Variants in B4GALT5 observed in about 807,000 individuals in gnomAD.
B4GALT5 encodes the protein UDP-Gal:beta-GlcNAc beta-1,4-galactosyltransferase 5.
Under a neutral mutation model 45.0 loss-of-function variants are expected in B4GALT5, and 11 were observed. The ratio of observed to expected loss-of-function variants is 0.24; its 90% CI spans 0.15 to 0.40. The LOEUF (loss-of-function observed/expected upper bound fraction) is 0.40. Among genes scored for constraint, B4GALT5 ranks in the 10% least tolerant of loss-of-function variants. The pLI is 1.00. For synonymous variants in B4GALT5, 185 were observed against 182.9 expected (o/e 1.01, Z -0.09); for missense variants, 337 against 500.2 (o/e 0.67, Z 3.11).
At chr20:49,659,431 A>ATCACAGTTTCTGT (rs1251372621) in intron 1 of B4GALT5, among the ~76,000 whole-genome samples, 11 of 152,226 alleles carry the variant, frequency 7.2e-5, no homozygotes, top group Non-Finnish European at 1.6e-4. Flanking sequence ...GGTCTATTAC[A>ATCACAGTTTCTGT]GACTATCAAA....
At chr20:49,690,552 A>G (rs1285356697) in intron 1 of B4GALT5, among the ~76,000 whole-genome samples, 7 of 151,386 alleles carry the variant, frequency 4.6e-5, no homozygotes, top group Admixed American at 4.0e-4. Flanking sequence ...TCTAACTCAA[A>G]AAAAAAAAGG....
rs150496601 is a variant in B4GALT5, at chr20:49,635,947, T to TCCACGGCAGGA, written c.*354_*364dup. Reference sequence around the variant, plus strand: ...TCCAAGGTCATGTGTAGGGACAGGCTCCACGGCAGGACCACGGCAGGACCA... The same window carrying TCCACGGCAGGA: ...TCCAAGGTCATGTGTAGGGACAGGCTCCACGGCAGGACCACGGCAGGACCACGGCAGGACCA... On this transcript the variant is annotated 3_prime_UTR_variant, in exon 9 of 9. Coordinates refer to ENST00000371711, the MANE Select transcript of B4GALT5 (RefSeq NM_004776.4). 26 of 219,062 alleles carry TCCACGGCAGGA rather than the reference T, an allele frequency of 1.2e-4. No individual in the cohort carries two copies. The highest frequency in any genetic ancestry group is 1.6e-4 in the Non-Finnish European group (17 of 107,942). The allele number at this position is 219,062 out of a possible 1,614,324, so 13.6% of individuals were successfully genotyped here.
intron 3 of B4GALT5, among the ~76,000 whole-genome samples, chr20:49,646,396 CCTA>C (rs146421434): frequency 0.019 from 2,905 of 152,184 alleles, 79 homozygotes; most frequent in African/African-American, 0.066. Context: ...TGGTAAGTAC[CCTA>C]CACAGCTGTA....
intron 2 of B4GALT5, among the ~76,000 whole-genome samples, chr20:49,649,512 C>T (rs1445659769): frequency 1.3e-5 from 2 of 151,722 alleles, no homozygotes; most frequent in Admixed American, 6.6e-5. Context: ...CCTGGGAGGT[C>T]GAGGTTCCGG....
At chr20:49,692,128 C>T (rs2085815634) in intron 1 of B4GALT5, among the ~76,000 whole-genome samples, 1 of 152,096 alleles carries the variant, frequency 6.6e-6, no homozygotes, top group Non-Finnish European at 1.5e-5. Context: ...TGCTTTCTCA[C>T]TATCTTCAGA....
intron 1 of B4GALT5, among the ~76,000 whole-genome samples, chr20:49,661,095 A>C (rs1462686375): frequency 6.6e-6 from 1 of 152,208 alleles, no homozygotes; most frequent in Admixed American, 6.5e-5. Context: ...TGTGAAGTAG[A>C]TATCATCTTG....
intron 7 of B4GALT5, 32 bp from the exon 8 acceptor site, chr20:49,637,474 T>C (rs1412299439): frequency 4.6e-6 from 7 of 1,537,070 alleles, no homozygotes; most frequent in Non-Finnish European, 5.4e-6. Flanking sequence ...GGCTTTTAGA[T>C]ACAACGGTAA....
intron 3 of B4GALT5, among the ~76,000 whole-genome samples, 158 bp from the exon 4 acceptor site, chr20:49,643,808 C>G (rs541328625): frequency 6.6e-6 from 1 of 151,760 alleles, no homozygotes; most frequent in South Asian, 2.1e-4. Flanking sequence ...CACCGTATTT[C>G]AGTTCCTCAC....
chr20:49,681,941 C>T lies in B4GALT5; in HGVS notation c.116-25239G>A, dbSNP rs1271772143. Among the ~76,000 whole-genome samples, 14 of 152,238 alleles carry T rather than the reference C, an allele frequency of 9.2e-5. No homozygotes were observed. In the South Asian group the frequency reaches 2.3e-3, roughly 25 times the overall value. On this transcript the variant is annotated intron_variant, in intron 1 of 8. Transcript: ENST00000371711. The stretch of plus-strand genomic sequence containing the variant: ...CAAGACCCCGTCTCTACAAAAAATA[C>T]AAAAATTAGTCCGGCATGGTGGCTT...
chr20:49,671,343 C>A (rs921076540), intron 1 of B4GALT5, among the ~76,000 whole-genome samples: 1 of 152,142 alleles, frequency 6.6e-6, no homozygotes, highest in African/African-American at 2.4e-5. Context: ...CCACTACACT[C>A]CAGCCTGAGT....
chr20:49,713,145 C>G (rs1770925720), intron 1 of B4GALT5, among the ~76,000 whole-genome samples: 1 of 144,254 alleles, frequency 6.9e-6, no homozygotes, highest in South Asian at 2.2e-4. Flanking sequence ...CGGCGAAGAG[C>G]GGGCGCGCCG....
At chr20:49,654,095 T>C (rs987281487) in intron 2 of B4GALT5, among the ~76,000 whole-genome samples, 5 of 152,174 alleles carry the variant, frequency 3.3e-5, no homozygotes, top group African/African-American at 1.2e-4. Context: ...ACTGGATAAA[T>C]GTCATGAGGA....
chr20:49,668,817 C>G (rs1402031332), intron 1 of B4GALT5, among the ~76,000 whole-genome samples: 1 of 152,096 alleles, frequency 6.6e-6, no homozygotes, highest in African/African-American at 2.4e-5. Context: ...CCTCCCACCC[C>G]CACTGACACC....
intron 1 of B4GALT5, among the ~76,000 whole-genome samples, chr20:49,699,781 C>A (rs1163691452): frequency 6.6e-6 from 1 of 152,156 alleles, no homozygotes. Context: ...ACCTCAACAT[C>A]CTTACCCTAC....
intron 7 of B4GALT5, 44 bp from the exon 8 acceptor site, chr20:49,637,486 A>C (rs757933119): frequency 6.9e-7 from 1 of 1,454,394 alleles, no homozygotes; most frequent in Non-Finnish European, 9.7e-7. Flanking sequence ...CAACGGTAAT[A>C]GCCCAGGAGT....
At chr20:49,643,189 G>T (rs1444772792) in intron 4 of B4GALT5, among the ~76,000 whole-genome samples, 3 of 152,190 alleles carry the variant, frequency 2.0e-5, no homozygotes, top group African/African-American at 7.2e-5. Flanking sequence ...CACTAATCTT[G>T]TAGTAACCAA....
At chr20:49,671,183 A>T (rs1235410585) in intron 1 of B4GALT5, among the ~76,000 whole-genome samples, 1 of 152,164 alleles carries the variant, frequency 6.6e-6, no homozygotes, top group Non-Finnish European at 1.5e-5. Context: ...GTTCAAGATC[A>T]GCCTGGTCAA....
intron 1 of B4GALT5, among the ~76,000 whole-genome samples, chr20:49,702,712 G>A (rs548007567): frequency 2.0e-5 from 3 of 151,952 alleles, no homozygotes; most frequent in South Asian, 4.2e-4. Context: ...AAAATCAGCC[G>A]GGCTTGCTGG....
intron 1 of B4GALT5, among the ~76,000 whole-genome samples, chr20:49,707,683 T>C (rs1196123528): frequency 6.6e-6 from 1 of 152,172 alleles, no homozygotes; most frequent in East Asian, 1.9e-4. Context: ...GGTTCAATCA[T>C]GGCTCATTGC....
Sources: gnomAD v4.1 joint callset for allele counts (sites outside exome capture counted in the v4.1 genomes callset) on GRCh38, gnomAD v4.1.1 for gene constraint, MANE v1.5 for transcripts, NCBI Gene and HGNC (gene_info 2026-07-23, HGNC 2026-07-21) for gene names.